Variants in CHKA observed in about 807,000 individuals in gnomAD.
CHKA encodes CHETK-alpha.
In CHKA, 34 loss-of-function variants were observed where a neutral mutation model predicts 60.1. The observed-to-expected ratio is 0.57, with a 90% CI of 0.43 to 0.75. CHKA has a LOEUF of 0.75. Among genes scored for constraint, CHKA ranks in the 30% least tolerant of loss-of-function variants. The pLI, the probability that CHKA is intolerant of heterozygous loss-of-function variation, is 0.00. For synonymous variants in CHKA, 217 were observed against 223.1 expected, an observed-to-expected ratio of 0.97 and a Z score of 0.24; for missense variants, 563 against 561.3, an observed-to-expected ratio of 1.00 and a Z score of -0.03.
At chr11:68,094,944 C>T (rs1857451060) in intron 2 of CHKA, among the ~76,000 whole-genome samples, 1 of 152,112 alleles carries the variant, frequency 6.6e-6, no homozygotes, top group Non-Finnish European at 1.5e-5. Context: ...AACATCTAGA[C>T]TGCCAATTTG....
chr11:68,068,261 T>C (rs1168520728), intron 7 of CHKA, among the ~76,000 whole-genome samples: 1 of 152,118 alleles, frequency 6.6e-6, no homozygotes. Context: ...GGGTAGGCAG[T>C]GGATCTTGTT....
Position 68,056,195 on chromosome 11 carries a change from G to A in CHKA, c.1315-2148C>T, listed in dbSNP as rs538184742. Among the ~76,000 whole-genome samples the A allele has an allele frequency of 5.3e-5, 8 of 152,046 alleles. No homozygotes were observed. The South Asian group carries it at 1.7e-3, about 32-fold the overall frequency. On this transcript the variant is annotated intron_variant, in intron 11 of 11. Transcript: ENST00000265689. ...GCCTTTTCATTTTCTCCATGATATC[G>A]TTCAGAGTTACTCATTTTGATAAAG...
At chr11:68,062,432 C>T (rs1856284437) in intron 10 of CHKA, among the ~76,000 whole-genome samples, 1 of 152,224 alleles carries the variant, frequency 6.6e-6, no homozygotes, top group Non-Finnish European at 1.5e-5. Flanking sequence ...AACCAAGAGG[C>T]AGCCCTTTGC....
intron 1 of CHKA, among the ~76,000 whole-genome samples, chr11:68,108,255 C>T (rs1242334206): frequency 6.6e-6 from 1 of 152,058 alleles, no homozygotes; most frequent in East Asian, 1.9e-4. Context: ...GAATTCCAGG[C>T]TGCAGTTGAG....
In CHKA at chr11:68,066,384, G is replaced by A; in HGVS notation, c.1016+45C>T. On this transcript the variant is annotated intron_variant, in intron 8 of 11. Transcript: ENST00000265689. ...AACTGTTAATTAAGCATATCGTAAT[G>A]ATAAATCAATATTGAGATGGAAACA... is the stretch of plus-strand genomic sequence containing the variant. 5 of 1,436,606 alleles carry A rather than the reference G, an allele frequency of 3.5e-6. No individual in the cohort carries two copies. The South Asian group carries it at 5.8e-5, about 17-fold the overall frequency. The allele number at this position is 1,436,606 out of a possible 1,614,324, so 89.0% of individuals were successfully genotyped here.
chr11:68,060,799 G>T (rs372378440), intron 11 of CHKA, among the ~76,000 whole-genome samples: 1 of 152,184 alleles, frequency 6.6e-6, no homozygotes, highest in Non-Finnish European at 1.5e-5. Flanking sequence ...TTGTCGTACA[G>T]TATCATTTGA....
intron 2 of CHKA, among the ~76,000 whole-genome samples, chr11:68,088,069 C>T (rs1033698336): frequency 2.1e-5 from 3 of 141,482 alleles, no homozygotes; most frequent in Non-Finnish European, 4.5e-5. Context: ...GCTAAGATCA[C>T]GCCATTGCAC....
chr11:68,057,697 T>C (rs1856075422), intron 11 of CHKA, among the ~76,000 whole-genome samples: 1 of 152,228 alleles, frequency 6.6e-6, no homozygotes. Context: ...CTATTATCTG[T>C]TTCAAGTTGA....
Position 68,112,053 on chromosome 11 carries a change from C to CAAAA in CHKA, c.350+8771_350+8774dup, listed in dbSNP as rs754639082. Reference sequence around the variant, plus strand: ...GGGCAACAACAGCAAAACTCCGTCTCAAAAAAAAAAAAAAAAAAAAAAAAA... The same window carrying CAAAA: ...GGGCAACAACAGCAAAACTCCGTCTCAAAAAAAAAAAAAAAAAAAAAAAAAAAAA... On this transcript the variant is annotated intron_variant, in intron 1 of 11. Coordinates refer to ENST00000265689, the MANE Select transcript of CHKA (RefSeq NM_001277.3). Among the ~76,000 whole-genome samples, 131 of 20,836 alleles carry CAAAA rather than the reference C, an allele frequency of 6.3e-3. 3 individuals are homozygous for CAAAA. The highest frequency in any genetic ancestry group is 0.05 in the Middle Eastern group (1 of 20). The allele number at this position is 20,836 out of a possible 152,430, so 13.7% of individuals were successfully genotyped here. A position where few individuals can be genotyped will look rare whatever the true frequency, so the allele number is the denominator to read the frequency against.
intron 11 of CHKA, among the ~76,000 whole-genome samples, chr11:68,059,132 T>G (rs1167925987): frequency 6.6e-6 from 1 of 152,182 alleles, no homozygotes; most frequent in African/African-American, 2.4e-5. Context: ...CGACCTCAGG[T>G]GATCCACCTG....
intron 1 of CHKA, among the ~76,000 whole-genome samples, 160 bp from the exon 2 acceptor site, chr11:68,097,290 A>G (rs1474148612): frequency 6.6e-6 from 1 of 152,182 alleles, no homozygotes; most frequent in Non-Finnish European, 1.5e-5. Flanking sequence ...TTAAAAACAG[A>G]CAAATTCCCT....
chr11:68,084,401 C>T (rs1214415274), intron 2 of CHKA, among the ~76,000 whole-genome samples: 2 of 85,982 alleles, frequency 2.3e-5, no homozygotes, highest in African/African-American at 4.5e-5. Flanking sequence ...CACACATATA[C>T]GTATATATGT....
chr11:68,120,992 C>T lies in CHKA; in HGVS notation c.186G>A (p.Pro62=). 2.7e-6 allele frequency: 3 copies of T among 1,117,866 alleles called. No homozygotes were observed. The highest frequency in any genetic ancestry group is 3.3e-6 in the Non-Finnish European group (3 of 915,366). The allele number at this position is 1,117,866 out of a possible 1,614,324, so 69.2% of individuals were successfully genotyped here. Reference sequence around the variant, plus strand: ...GGGGCAGCGGCAGCGGCAGCGGCAGCGGCGGCGGAGGGGGCAGCGCGAGCG... The same window carrying T: ...GGGGCAGCGGCAGCGGCAGCGGCAGTGGCGGCGGAGGGGGCAGCGCGAGCG... ...QPPLALPPPP[P]LPLPLPLPQP... Residue 62 remains proline, a synonymous_variant, in exon 1 of 12, where the codon CCG becomes CCA. Coordinates refer to ENST00000265689, the MANE Select transcript of CHKA (RefSeq NM_001277.3).
At chr11:68,055,242 T>C (rs1855964653) in intron 11 of CHKA, among the ~76,000 whole-genome samples, 1 of 152,112 alleles carries the variant, frequency 6.6e-6, no homozygotes. Context: ...AATAAAAAAT[T>C]AGCTGGGTGC....
intron 11 of CHKA, among the ~76,000 whole-genome samples, chr11:68,059,173 G>A (rs1856131052): frequency 1.3e-5 from 2 of 152,212 alleles, no homozygotes; most frequent in African/African-American, 4.8e-5. Context: ...GGGATTACAG[G>A]CATGAGCCAC....
chr11:68,070,594 C>T, intron 5 of CHKA, 130 bp downstream of exon 5: 1 of 959,112 alleles, frequency 1.0e-6, no homozygotes, highest in East Asian at 2.5e-5. Flanking sequence ...CAAGTATCAC[C>T]AGCTGACACC....
At chr11:68,078,606 G>A (rs539293632) in intron 3 of CHKA, among the ~76,000 whole-genome samples, 2 of 152,172 alleles carry the variant, frequency 1.3e-5, no homozygotes, top group Non-Finnish European at 2.9e-5. Flanking sequence ...TAAAACCCAG[G>A]AAGAAGAGTA....
At chr11:68,060,064 T>C (rs1856171686) in intron 11 of CHKA, among the ~76,000 whole-genome samples, 1 of 132,178 alleles carries the variant, frequency 7.6e-6, no homozygotes, top group Non-Finnish European at 1.6e-5. Context: ...TCTCGCTCTG[T>C]CGCCCAGGCT....
chr11:68,096,977 G>A (rs1565189013), intron 2 of CHKA, 42 bp downstream of exon 2: 4 of 1,385,948 alleles, frequency 2.9e-6, no homozygotes, highest in Non-Finnish European at 4.1e-6. Context: ...GATTTAAAAT[G>A]TTAACAGGAT....
Sources: gnomAD v4.1 joint callset for allele counts (sites outside exome capture counted in the v4.1 genomes callset) on GRCh38, gnomAD v4.1.1 for gene constraint, MANE v1.5 for transcripts, NCBI Gene and HGNC (gene_info 2026-07-23, HGNC 2026-07-21) for gene names.